Variants in LRBA observed in about 807,000 individuals in gnomAD.
LRBA encodes the protein LPS responsive beige-like anchor protein.
Under a neutral mutation model 330.0 loss-of-function variants are expected in LRBA, and 176 were observed. That is an observed-to-expected ratio of 0.53 (90% confidence interval 0.47 to 0.60). The LOEUF is 0.60. Ranked by LOEUF, LRBA falls within the 20% of genes least tolerant of loss-of-function variation. The pLI is 0.00. For missense variants in LRBA, 3,259 were observed against 3,444.8 expected (o/e 0.95, Z 1.35); for synonymous variants, 1,230 against 1,193.0 (o/e 1.03, Z -0.64).
chr4:150,448,560 G>A lies in LRBA; in HGVS notation c.6781-11696C>T, dbSNP rs374161954. 2.1e-3 allele frequency among the ~76,000 whole-genome samples: 326 copies of A among 152,168 alleles called. 8 individuals carry two copies. The South Asian group carries it at 0.06, about 28-fold the overall frequency. On this transcript the variant is annotated intron_variant, in intron 44 of 56. Coordinates refer to ENST00000651943, the MANE Select transcript of LRBA (RefSeq NM_001364905.1). ...CTCACACCTGTAATCCCAGCACTTC[G>A]GGAGGCCGAGGCAGGTGGATCACTG... is the stretch of plus-strand genomic sequence containing the variant.
Position 150,907,363 on chromosome 4 carries a change from G to A in LRBA, c.1494-958C>T, listed in dbSNP as rs1417370638. On this transcript the variant is annotated intron_variant, in intron 11 of 56. Coordinates refer to ENST00000651943, the MANE Select transcript of LRBA (RefSeq NM_001364905.1). ...GGGAGGAAGGGGAAGGGGGAGGGAA[G>A]GAAGGGAGGGAGGGAGGAAAACTGT... 3.3e-5 allele frequency among the ~76,000 whole-genome samples: 4 copies of A among 122,254 alleles called. No homozygotes were observed. The Admixed American group carries it at 3.3e-4, about 10-fold the overall frequency. 80.2% of individuals were successfully genotyped at this position (122,254 alleles called of 152,430 possible).
chr4:150,460,696 T>G (rs1334104160), intron 44 of LRBA, among the ~76,000 whole-genome samples: 1 of 151,852 alleles, frequency 6.6e-6, no homozygotes, highest in African/African-American at 2.4e-5. Flanking sequence ...CTACTCTTTA[T>G]TTTCCTGTTT....
At chr4:150,642,025 T>C (rs1778724810) in intron 37 of LRBA, among the ~76,000 whole-genome samples, 1 of 152,066 alleles carries the variant, frequency 6.6e-6, no homozygotes, top group Non-Finnish European at 1.5e-5. Flanking sequence ...TCAAATTTAA[T>C]TTACAGCACT....
At chr4:150,986,580 A>G (rs1390876185) in intron 2 of LRBA, among the ~76,000 whole-genome samples, 1 of 152,220 alleles carries the variant, frequency 6.6e-6, no homozygotes, top group Non-Finnish European at 1.5e-5. Context: ...AAGGAAGTAG[A>G]CTGCTATCCC....
chr4:150,462,600 C>A (rs1003545324), intron 44 of LRBA, among the ~76,000 whole-genome samples: 2 of 151,680 alleles, frequency 1.3e-5, no homozygotes, highest in South Asian at 2.1e-4. Flanking sequence ...CCCAGTGCAA[C>A]ATGGAAGAGA....
chr4:150,688,248 C>T (rs1249234905), intron 36 of LRBA, among the ~76,000 whole-genome samples: 1 of 152,142 alleles, frequency 6.6e-6, no homozygotes, highest in Non-Finnish European at 1.5e-5. Context: ...ACTGGCTAGC[C>T]ATATGCAGAA....
At chr4:150,696,623 C>A (rs535544411) in intron 36 of LRBA, among the ~76,000 whole-genome samples, 1 of 151,976 alleles carries the variant, frequency 6.6e-6, no homozygotes, top group South Asian at 2.1e-4. Context: ...AAAATAAATA[C>A]AATATGAGAA....
At chr4:150,955,516 G>A (rs1053625265) in intron 2 of LRBA, among the ~76,000 whole-genome samples, 1 of 148,954 alleles carries the variant, frequency 6.7e-6, no homozygotes, top group South Asian at 2.1e-4. Context: ...TACTCAGGAG[G>A]CTGACGCAGG....
At chr4:150,360,628 A>C (rs1738556382) in intron 47 of LRBA, among the ~76,000 whole-genome samples, 1 of 152,224 alleles carries the variant, frequency 6.6e-6, no homozygotes, top group South Asian at 2.1e-4. Flanking sequence ...TAACACTTTT[A>C]AAATACACCT....
chr4:150,764,211 AGAT>A lies in LRBA; in HGVS notation c.5581-2367_5581-2365del, dbSNP rs534221446. On this transcript the variant is annotated intron_variant, in intron 34 of 56. Transcript: ENST00000651943. ...ACTAAAATTCTGTATATAAATCTTTAGATTAGTCATTTTACTTTTAAAAGTATC... is the reference window on the plus strand; with the variant it reads ...ACTAAAATTCTGTATATAAATCTTTATAGTCATTTTACTTTTAAAAGTATC... Among the ~76,000 whole-genome samples the A allele has an allele frequency of 4.4e-4, 67 of 151,574 alleles. 1 individual carries two copies. Among genetic ancestry groups the A allele is most frequent in the Admixed American group, 3.2e-3 (49 of 15,256 alleles).
chr4:150,890,734 T>A (rs1393468803), intron 17 of LRBA, among the ~76,000 whole-genome samples: 1 of 152,144 alleles, frequency 6.6e-6, no homozygotes, highest in East Asian at 1.9e-4. Flanking sequence ...TTAAGATGAG[T>A]TAGTCACAAG....
chr4:150,966,475 ATTT>A (rs36013649), intron 2 of LRBA, among the ~76,000 whole-genome samples: 3 of 114,596 alleles, frequency 2.6e-5, no homozygotes, highest in African/African-American at 6.9e-5. Flanking sequence ...CACCCAGCTA[ATTT>A]TTTTTTTTTT....
At chr4:150,297,210 TA>T (rs1402506670) in intron 53 of LRBA, among the ~76,000 whole-genome samples, 1 of 152,080 alleles carries the variant, frequency 6.6e-6, no homozygotes, top group Admixed American at 6.6e-5. Flanking sequence ...CCAAACAAGG[TA>T]AATAAATGTG....
Position 150,590,727 on chromosome 4 carries a change from A to C in LRBA, c.6179T>G (p.Leu2060Ter). Reference sequence around the variant, plus strand: ...ACCAAATTTACCGGCAAGATTCTCTAAATCTTTCTCATCCACGGATGACAG... The same window carrying C: ...ACCAAATTTACCGGCAAGATTCTCTCAATCTTTCTCATCCACGGATGACAG... Reference protein sequence around the residue: ...DTLSSVDEKDLENLAGPVSLS... With the variant: ...DTLSSVDEKD Residue 2060 changes from leucine (L) to a stop codon, truncating the protein, a stop_gained, in exon 39 of 57, where the codon TTA becomes TGA. Transcript: ENST00000651943. LOFTEE classifies it high-confidence loss of function. The C allele has an allele frequency of 6.2e-7, 1 of 1,613,710 alleles. No homozygotes were observed. The highest frequency in any genetic ancestry group is 8.5e-7 in the Non-Finnish European group (1 of 1,179,888).
intron 2 of LRBA, among the ~76,000 whole-genome samples, chr4:151,002,613 A>G (rs1743503553): frequency 6.6e-6 from 1 of 151,900 alleles, no homozygotes; most frequent in Non-Finnish European, 1.5e-5. Context: ...GAGAGACACA[A>G]GAGAATAATG....
Position 150,782,758 on chromosome 4 carries a change from A to ATT in LRBA, c.5580+15321_5580+15322dup, listed in dbSNP as rs143356773. The stretch of plus-strand genomic sequence containing the variant: ...CAGGTTCCAGGGATTTGTCATGGCT[A>ATT]TTTGTTGGGGAGCCATGTCTCAGTC... On this transcript the variant is annotated intron_variant, in intron 34 of 56. Transcript: ENST00000651943. Among the ~76,000 whole-genome samples, 1,174 of 152,288 alleles carry ATT rather than the reference A, an allele frequency of 7.7e-3. 12 individuals carry two copies. Among genetic ancestry groups the ATT allele is most frequent in the African/African-American group, 0.027 (1,119 of 41,566 alleles).
chr4:150,609,731 G>T (rs543744530), intron 37 of LRBA, among the ~76,000 whole-genome samples: 33 of 152,132 alleles, frequency 2.2e-4, no homozygotes, highest in Non-Finnish European at 4.3e-4. Context: ...AAATTTTGAC[G>T]ATGAAAGGAA....
chr4:150,499,598 G>GCA (rs1307577266), intron 40 of LRBA, among the ~76,000 whole-genome samples: 1 of 151,772 alleles, frequency 6.6e-6, no homozygotes, highest in Non-Finnish European at 1.5e-5. Context: ...AGCTATGACT[G>GCA]CACCACTGTA....
intron 47 of LRBA, among the ~76,000 whole-genome samples, chr4:150,399,323 A>G (rs1015777451): frequency 3.3e-5 from 5 of 152,188 alleles, no homozygotes; most frequent in Non-Finnish European, 7.3e-5. Flanking sequence ...CATGGCAGAA[A>G]CTACTAATCA....
Sources: gnomAD v4.1 joint callset for allele counts (sites outside exome capture counted in the v4.1 genomes callset) on GRCh38, gnomAD v4.1.1 for gene constraint, MANE v1.5 for transcripts, NCBI Gene and HGNC (gene_info 2026-07-23, HGNC 2026-07-21) for gene names.